The following ABCD3 variants were observed in gnomAD, a reference collection of about 807,000 sequenced individuals.
ABCD3 encodes the protein ATP binding cassette subfamily D member 3.
ABCD3 carries 41 observed loss-of-function variants against 105.5 expected under a neutral mutation model. That is an observed-to-expected ratio of 0.39 (90% confidence interval 0.30 to 0.50). The LOEUF (loss-of-function observed/expected upper bound fraction) is 0.50. ABCD3 is among the 20% of genes least tolerant of loss of function. The pLI is 0.84. For missense variants in ABCD3, 622 were observed against 806.3 expected, an observed-to-expected ratio of 0.77 and a Z score of 2.77; for synonymous variants, 258 against 269.0, an observed-to-expected ratio of 0.96 and a Z score of 0.40.
At chr1:94,499,422 T>A in intron 19 of ABCD3, 73 bp from the exon 20 acceptor site, 1 of 1,466,124 alleles carries the variant, frequency 6.8e-7, no homozygotes, top group Non-Finnish European at 9.5e-7. Flanking sequence ...GATTCCAGTT[T>A]AAAAAATAAA....
At chr1:94,475,261 AT>A in intron 6 of ABCD3, 21 bp downstream of exon 6, 2 of 1,355,828 alleles carry the variant, frequency 1.5e-6, no homozygotes, top group Non-Finnish European at 2.0e-6. Context: ...ACCTATTTTT[AT>A]ATTAAAAATA....
intron 21 of ABCD3, among the ~76,000 whole-genome samples, chr1:94,506,869 G>A (rs1650380561): frequency 6.6e-6 from 1 of 151,552 alleles, no homozygotes; most frequent in Non-Finnish European, 1.5e-5. Context: ...TAAATATGTT[G>A]TTTTATATAA....
chr1:94,500,401 G>A (rs1036325612), intron 20 of ABCD3, among the ~76,000 whole-genome samples: 2 of 152,040 alleles, frequency 1.3e-5, no homozygotes, highest in Non-Finnish European at 2.9e-5. Flanking sequence ...ATCACACACC[G>A]TGGCACTCCA....
intron 1 of ABCD3, among the ~76,000 whole-genome samples, chr1:94,430,319 G>A (rs1184462869): frequency 6.6e-6 from 1 of 152,132 alleles, no homozygotes; most frequent in Non-Finnish European, 1.5e-5. Context: ...TTAAGACCTT[G>A]GGGGACTGTT....
At chr1:94,457,757 C>T (rs1557671073) in intron 1 of ABCD3, among the ~76,000 whole-genome samples, 1 of 152,078 alleles carries the variant, frequency 6.6e-6, no homozygotes, top group East Asian at 1.9e-4. Flanking sequence ...ATATGGTTGG[C>T]TGAAGTTATT....
intron 19 of ABCD3, 76 bp from the exon 20 acceptor site, chr1:94,499,419 G>A (rs1649985018): frequency 6.9e-7 from 1 of 1,440,560 alleles, no homozygotes. Flanking sequence ...AGTGATTCCA[G>A]TTTAAAAAAT....
At chr1:94,433,105 C>T (rs1365394717) in intron 1 of ABCD3, among the ~76,000 whole-genome samples, 2 of 151,960 alleles carry the variant, frequency 1.3e-5, no homozygotes, top group South Asian at 2.1e-4. Flanking sequence ...ATCCACCCAC[C>T]TCGGCCTCCC....
intron 16 of ABCD3, among the ~76,000 whole-genome samples, chr1:94,493,474 A>G (rs1649634398): frequency 6.6e-6 from 1 of 151,576 alleles, no homozygotes; most frequent in African/African-American, 2.4e-5. Context: ...GAGAAATAGG[A>G]ACACTTTTAC....
chr1:94,461,104 TA>T (rs1647847236), intron 2 of ABCD3, among the ~76,000 whole-genome samples: 1 of 152,142 alleles, frequency 6.6e-6, no homozygotes, highest in Non-Finnish European at 1.5e-5. Context: ...GCACATTTGT[TA>T]AATGTATAGG....
intron 16 of ABCD3, among the ~76,000 whole-genome samples, chr1:94,491,666 G>A (rs190505858): frequency 1.1e-3 from 173 of 152,072 alleles, no homozygotes; most frequent in African/African-American, 4.0e-3. Context: ...TGATGAAAAC[G>A]GGAAGAGCCG....
intron 4 of ABCD3, among the ~76,000 whole-genome samples, chr1:94,468,387 A>G (rs1430285186): frequency 6.6e-6 from 1 of 152,214 alleles, no homozygotes; most frequent in Non-Finnish European, 1.5e-5. Context: ...ATTTCAAAGC[A>G]TTTCAAAGAA....
At chr1:94,466,208 C>T (rs547269493) in intron 3 of ABCD3, among the ~76,000 whole-genome samples, 2 of 152,222 alleles carry the variant, frequency 1.3e-5, no homozygotes, top group Non-Finnish European at 2.9e-5. Context: ...ATCCTGTGTG[C>T]AAGCATATAT....
chr1:94,466,717 CT>C (rs1648155076), intron 3 of ABCD3, among the ~76,000 whole-genome samples: 1 of 152,194 alleles, frequency 6.6e-6, no homozygotes. Context: ...AAAATACAAG[CT>C]TCTCTGGAAA....
chr1:94,475,859 T>A, intron 7 of ABCD3, 122 bp downstream of exon 7: 1 of 771,294 alleles, frequency 1.3e-6, no homozygotes, highest in South Asian at 2.0e-5. Flanking sequence ...AATGCTTTTA[T>A]AAGAAAATTA....
chr1:94,496,918 C>T (rs1020656819), intron 16 of ABCD3, among the ~76,000 whole-genome samples: 1 of 151,790 alleles, frequency 6.6e-6, no homozygotes, highest in Admixed American at 6.6e-5. Flanking sequence ...CAGGTGCCCG[C>T]CACTGCATCC....
chr1:94,425,124 A>G (rs1202265133), intron 1 of ABCD3, among the ~76,000 whole-genome samples: 2 of 152,220 alleles, frequency 1.3e-5, no homozygotes, highest in Admixed American at 1.3e-4. Flanking sequence ...AGGTAAAGCA[A>G]GTCTCAGAAA....
At chr1:94,431,843 A>G (rs1659694503) in intron 1 of ABCD3, among the ~76,000 whole-genome samples, 1 of 152,216 alleles carries the variant, frequency 6.6e-6, no homozygotes, top group Admixed American at 6.5e-5. Flanking sequence ...GTTATGTTGC[A>G]TCAGGAAATT....
the ABCD3 span, chr1:94,406,613 A>T: frequency 1.0e-5 from 2 of 198,050 alleles, no homozygotes; most frequent in Non-Finnish European, 2.1e-5. Context: ...CTCAGTACAC[A>T]CACTGATTCT....
rs1223439995 is a variant in ABCD3, at chr1:94,418,402, G to A, written c.-77G>A. 2.3e-6 allele frequency: 3 copies of A among 1,287,508 alleles called. No individual in the cohort carries two copies. Among genetic ancestry groups the A allele is most frequent in the Non-Finnish European group, 3.3e-6 (3 of 922,854 alleles). 79.8% of individuals were successfully genotyped at this position (1,287,508 alleles called of 1,614,324 possible). A position where few individuals can be genotyped will look rare whatever the true frequency, so the allele number is the denominator to read the frequency against. On this transcript the variant is annotated 5_prime_UTR_variant, in exon 1 of 23. Coordinates refer to ENST00000370214, the MANE Select transcript of ABCD3 (RefSeq NM_002858.4). ...CTCTGCTCTCCTCCCAGTCTCCCCCGCGCTGCGTGCAGTAAGGTAGCCGCC... is the reference window on the plus strand; with the variant it reads ...CTCTGCTCTCCTCCCAGTCTCCCCCACGCTGCGTGCAGTAAGGTAGCCGCC...
Sources: gnomAD v4.1 joint callset for allele counts (sites outside exome capture counted in the v4.1 genomes callset) on GRCh38, gnomAD v4.1.1 for gene constraint, MANE v1.5 for transcripts, NCBI Gene and HGNC (gene_info 2026-07-23, HGNC 2026-07-21) for gene names.